TENM4: variants seen among roughly 807,000 people sequenced by gnomAD.
TENM4 encodes teneurin transmembrane protein 4, also known as teneurin-4.
In TENM4, 82 loss-of-function variants were observed where a neutral mutation model predicts 243.3. The ratio of observed to expected loss-of-function variants is 0.34; its 90% CI spans 0.28 to 0.40. The LOEUF is 0.40. Ranked by LOEUF, TENM4 falls within the 10% of genes least tolerant of loss-of-function variation. The pLI is 1.00. For missense variants in TENM4, 3,138 were observed against 3,673.3 expected, an observed-to-expected ratio of 0.85 and a Z score of 3.77; for synonymous variants, 1,412 against 1,456.3, an observed-to-expected ratio of 0.97 and a Z score of 0.69.
chr11:78,751,969 G>A (rs1239572605), intron 19 of TENM4, among the ~76,000 whole-genome samples: 1 of 152,142 alleles, frequency 6.6e-6, no homozygotes, highest in Non-Finnish European at 1.5e-5. Flanking sequence ...TAGGCAGATG[G>A]GACCCGGGCA....
intron 1 of TENM4, among the ~76,000 whole-genome samples, chr11:79,409,110 G>GTGCA (rs1858641206): frequency 6.9e-6 from 1 of 144,622 alleles, no homozygotes; most frequent in African/African-American, 2.7e-5. Flanking sequence ...GTGCGCGCGC[G>GTGCA]CGCGTGCGTG....
At chr11:79,413,824 G>T (rs764959540) in intron 1 of TENM4, among the ~76,000 whole-genome samples, 2 of 152,064 alleles carry the variant, frequency 1.3e-5, no homozygotes, top group Non-Finnish European at 2.9e-5. Flanking sequence ...CTTGCTTTTA[G>T]AAGTGGCATG....
At chr11:79,198,003 A>G (rs528011195) in intron 3 of TENM4, among the ~76,000 whole-genome samples, 1 of 152,268 alleles carries the variant, frequency 6.6e-6, no homozygotes, top group South Asian at 2.1e-4. Context: ...TCCATGTGTG[A>G]CCTTAACCTG....
chr11:78,786,867 G>C (rs758104460), intron 16 of TENM4, 31 bp downstream of exon 16: 2 of 1,579,348 alleles, frequency 1.3e-6, no homozygotes, highest in South Asian at 1.2e-5. Flanking sequence ...GCAGACCAGA[G>C]AAGGTACCCG....
chr11:79,399,824 A>T (rs1402314442), intron 1 of TENM4, among the ~76,000 whole-genome samples: 2 of 152,154 alleles, frequency 1.3e-5, no homozygotes, highest in African/African-American at 4.8e-5. Flanking sequence ...CTCTGTAAAG[A>T]ATGGGTTATA....
intron 1 of TENM4, among the ~76,000 whole-genome samples, chr11:79,345,911 G>C (rs1377561145): frequency 1.3e-5 from 2 of 152,192 alleles, no homozygotes; most frequent in Admixed American, 6.5e-5. Flanking sequence ...ACTACTCAAA[G>C]TGTGGTTCAC....
chr11:79,227,279 T>A (rs1024713534), intron 2 of TENM4, among the ~76,000 whole-genome samples: 1 of 152,174 alleles, frequency 6.6e-6, no homozygotes, highest in Non-Finnish European at 1.5e-5. Flanking sequence ...TTGGTTGCTG[T>A]CATTGGTTGC....
rs570460620 is a variant in TENM4, at chr11:78,686,221, G to T, written c.5260+1833C>A. On this transcript the variant is annotated intron_variant, in intron 29 of 33. Transcript: ENST00000278550. The stretch of plus-strand genomic sequence containing the variant: ...TGTCAATCATGCCTATCCAATGAAG[G>T]CTTCCTAAAAGGCCCAAGAAGACAG... Among the ~76,000 whole-genome samples, 61 of 152,272 alleles carry T rather than the reference G, an allele frequency of 4.0e-4. 1 individual carries two copies. Among genetic ancestry groups the T allele is most frequent in the Admixed American group, 2.4e-3 (37 of 15,300 alleles).
At chr11:78,993,283 GA>G (rs1348561336) in intron 6 of TENM4, among the ~76,000 whole-genome samples, 2 of 152,058 alleles carry the variant, frequency 1.3e-5, no homozygotes, top group Admixed American at 1.3e-4. Context: ...ATTCATTTAT[GA>G]AAAAGGGGAA....
chr11:78,920,287 G>A (rs559000994), intron 6 of TENM4, among the ~76,000 whole-genome samples: 2 of 152,292 alleles, frequency 1.3e-5, no homozygotes, highest in African/African-American at 4.8e-5. Context: ...TGACAAACAA[G>A]AGTAGTTTTT....
chr11:78,782,924 A>C (rs1933785887), intron 16 of TENM4, among the ~76,000 whole-genome samples: 1 of 152,178 alleles, frequency 6.6e-6, no homozygotes, highest in Non-Finnish European at 1.5e-5. Context: ...TTGTTTAAAA[A>C]TCAGGACTTC....
chr11:79,404,285 G>A (rs1425232462), intron 1 of TENM4, among the ~76,000 whole-genome samples: 1 of 152,218 alleles, frequency 6.6e-6, no homozygotes, highest in Admixed American at 6.5e-5. Context: ...TGGGGATTCA[G>A]TCCACTTATT....
intron 6 of TENM4, among the ~76,000 whole-genome samples, chr11:79,026,667 C>G (rs890409327): frequency 6.6e-5 from 10 of 152,168 alleles, no homozygotes; most frequent in South Asian, 2.1e-4. Flanking sequence ...CTTCTCACAG[C>G]AACCAAGAAA....
intron 26 of TENM4, among the ~76,000 whole-genome samples, chr11:78,709,277 T>C: frequency 6.6e-6 from 1 of 152,148 alleles, no homozygotes; most frequent in East Asian, 1.9e-4. Context: ...TCCTTCATGC[T>C]TTTCTATTCT....
intron 1 of TENM4, among the ~76,000 whole-genome samples, chr11:79,436,975 C>T (rs935063946): frequency 6.6e-6 from 1 of 152,204 alleles, no homozygotes; most frequent in African/African-American, 2.4e-5. Flanking sequence ...AACATCTATG[C>T]CCTAAGTCCT....
At chr11:78,817,619 A>G (rs549447079) in intron 12 of TENM4, among the ~76,000 whole-genome samples, 15 of 152,358 alleles carry the variant, frequency 9.8e-5, no homozygotes, top group Admixed American at 9.2e-4. Flanking sequence ...TTCACTTTGA[A>G]TATTCTTTTA....
intron 6 of TENM4, among the ~76,000 whole-genome samples, chr11:78,980,418 T>A (rs543813178): frequency 2.6e-4 from 39 of 152,310 alleles, no homozygotes; most frequent in African/African-American, 8.9e-4. Context: ...AGGTGGATGA[T>A]TCCACTCTGA....
intron 2 of TENM4, among the ~76,000 whole-genome samples, chr11:79,279,569 C>T (rs1279823509): frequency 1.3e-5 from 2 of 152,142 alleles, no homozygotes; most frequent in Non-Finnish European, 2.9e-5. Flanking sequence ...GGTCCACACT[C>T]CTTATAGCCT....
At position 78,768,732 on chromosome 11, in the gene TENM4, C is replaced by T. The variant is rs1856590257; in HGVS notation, c.2539+2260G>A. Reference sequence around the variant, plus strand: ...GTTGATCTTTTCCACTTCCTACTGGCTCATCTCTCAGAACAGCTGAAGGAG... The same window carrying T: ...GTTGATCTTTTCCACTTCCTACTGGTTCATCTCTCAGAACAGCTGAAGGAG... On this transcript the variant is annotated intron_variant, in intron 18 of 33. Transcript: ENST00000278550. Among the ~76,000 whole-genome samples the T allele has an allele frequency of 2.6e-5, 4 of 152,226 alleles. No homozygotes were observed. In the South Asian group the frequency reaches 6.2e-4, roughly 24 times the overall value.
Sources: gnomAD v4.1 joint callset for allele counts (sites outside exome capture counted in the v4.1 genomes callset) on GRCh38, gnomAD v4.1.1 for gene constraint, MANE v1.5 for transcripts, NCBI Gene and HGNC (gene_info 2026-07-23, HGNC 2026-07-21) for gene names.